SCN11A: variants seen among roughly 807,000 people sequenced by gnomAD.
The protein encoded by SCN11A is sodium voltage-gated channel alpha subunit 11.
In SCN11A, 122 loss-of-function variants were observed where a neutral mutation model predicts 162.2. The ratio of observed to expected loss-of-function variants is 0.75; its 90% confidence interval spans 0.65 to 0.87. The LOEUF (loss-of-function observed/expected upper bound fraction) is 0.87, where lower values mean the gene tolerates loss of function less well. Ranked by LOEUF, SCN11A falls within the 40% of genes least tolerant of loss-of-function variation. SCN11A has a pLI of 0.00. For synonymous variants in SCN11A, 758 were observed against 751.5 expected (o/e 1.01, Z -0.14); for missense variants, 2,015 against 2,181.6 (o/e 0.92, Z 1.52).
rs4637231 is a variant in SCN11A, at chr3:38,867,624, T to C, written c.3814-166A>G. On this transcript the variant is annotated intron_variant, in intron 26 of 29. Coordinates refer to ENST00000302328, the MANE Select transcript of SCN11A (RefSeq NM_001349253.2). ...TGTTGGGAGCCTGTCTTTCAGTTTTTGCAGCTCAGCTTGAGTGATGGCATG... is the reference window on the plus strand; with the variant it reads ...TGTTGGGAGCCTGTCTTTCAGTTTTCGCAGCTCAGCTTGAGTGATGGCATG... Among the ~76,000 whole-genome samples, 74,958 of 152,026 alleles carry C rather than the reference T, an allele frequency of 0.49. 18,596 individuals carry two copies. Among genetic ancestry groups the C allele is most frequent in the African/African-American group, 0.54 (22,215 of 41,480 alleles).
chr3:38,870,782 T>C (rs150131516), intron 25 of SCN11A, 38 bp from the exon 26 acceptor site: 2 of 1,581,032 alleles, frequency 1.3e-6, no homozygotes, highest in African/African-American at 1.3e-5. Context: ...AATACAAATG[T>C]AGACTTGCCA....
At chr3:38,943,775 AG>A (rs34261223) in intron 7 of SCN11A, among the ~76,000 whole-genome samples, 14,730 of 152,160 alleles carry the variant, frequency 0.097, 866 homozygotes, top group Middle Eastern at 0.16. Context: ...GATCACATGG[AG>A]GTAGAGAATG....
chr3:38,974,200 A>G (rs191207872), intron 2 of SCN11A, among the ~76,000 whole-genome samples: 156 of 152,330 alleles, frequency 1.0e-3, no homozygotes, highest in African/African-American at 3.6e-3. Flanking sequence ...AAAATTAAAG[A>G]AACAGTATTT....
At chr3:38,917,422 C>A (rs967102657) in intron 11 of SCN11A, among the ~76,000 whole-genome samples, 1 of 152,172 alleles carries the variant, frequency 6.6e-6, no homozygotes, top group African/African-American at 2.4e-5. Flanking sequence ...CCTGAATGCC[C>A]AACAATGACA....
chr3:38,913,253 A>T (rs745867446), intron 11 of SCN11A, among the ~76,000 whole-genome samples: 1 of 152,002 alleles, frequency 6.6e-6, no homozygotes, highest in Non-Finnish European at 1.5e-5. Flanking sequence ...GCTTTTTATC[A>T]TATGCTCGTT....
In SCN11A at chr3:38,907,915, A is replaced by G. The variant is rs368421385; in HGVS notation, c.1473+34T>C. On this transcript the variant is annotated intron_variant, in intron 14 of 29. Transcript: ENST00000302328. ...ATTGGACCTGTCCCCCTGGACAGCAATATGGTATCATTAATTCCCTGGAAA... is the reference window on the plus strand; with the variant it reads ...ATTGGACCTGTCCCCCTGGACAGCAGTATGGTATCATTAATTCCCTGGAAA... 3 of 1,562,296 alleles carry G rather than the reference A, an allele frequency of 1.9e-6. No homozygotes were observed. In the East Asian group the frequency reaches 6.8e-5, roughly 35 times the overall value.
chr3:38,868,919 T>C (rs1028381379), intron 26 of SCN11A, among the ~76,000 whole-genome samples: 3 of 152,258 alleles, frequency 2.0e-5, no homozygotes, highest in South Asian at 2.1e-4. Context: ...TTGATAGCCA[T>C]GGGCCTGTCA....
Position 38,870,674 on chromosome 3 carries a change from G to A in SCN11A, c.3813+17C>T. On this transcript the variant is annotated intron_variant, in intron 26 of 29. Coordinates refer to ENST00000302328, the MANE Select transcript of SCN11A (RefSeq NM_001349253.2). Reference sequence around the variant, plus strand: ...CTTGACCATAACACTCCAGAACATGGTAGAACACTGACTCACCTCTGTGGA... The same window carrying A: ...CTTGACCATAACACTCCAGAACATGATAGAACACTGACTCACCTCTGTGGA... 6.2e-7 allele frequency: 1 copy of A among 1,609,278 alleles called. No homozygotes were observed.
chr3:38,925,588 T>C, intron 8 of SCN11A, 79 bp from the exon 9 acceptor site: 2 of 1,003,702 alleles, frequency 2.0e-6, no homozygotes, highest in South Asian at 2.7e-5. Flanking sequence ...AAGCCACAAG[T>C]AAGCTCAGCC....
intron 28 of SCN11A, among the ~76,000 whole-genome samples, chr3:38,855,335 C>A (rs2064850056): frequency 6.6e-6 from 1 of 152,172 alleles, no homozygotes; most frequent in Non-Finnish European, 1.5e-5. Context: ...GCCTGAGGAC[C>A]ACTTCCTCAT....
At chr3:38,985,020 G>C (rs1376152451) in intron 2 of SCN11A, among the ~76,000 whole-genome samples, 1 of 150,538 alleles carries the variant, frequency 6.6e-6, no homozygotes, top group Non-Finnish European at 1.5e-5. Context: ...TGGTCACTAG[G>C]CTGCAGCAGA....
intron 2 of SCN11A, among the ~76,000 whole-genome samples, chr3:38,981,455 G>A (rs2030039331): frequency 6.6e-6 from 1 of 152,040 alleles, no homozygotes; most frequent in South Asian, 2.1e-4. Flanking sequence ...CAGCAACATT[G>A]AGCACCAAGG....
chr3:38,889,898 A>C (rs2065470643), intron 19 of SCN11A, among the ~76,000 whole-genome samples: 2 of 151,810 alleles, frequency 1.3e-5, no homozygotes, highest in South Asian at 4.2e-4. Flanking sequence ...GTATCATCAA[A>C]AACAATCCCA....
intron 2 of SCN11A, among the ~76,000 whole-genome samples, chr3:39,027,428 A>C (rs1411882941): frequency 6.6e-6 from 1 of 152,176 alleles, no homozygotes; most frequent in Non-Finnish European, 1.5e-5. Flanking sequence ...CTTGTTGCCC[A>C]GGGGTCAGTG....
At chr3:38,890,554 C>A (rs1343418995) in intron 19 of SCN11A, among the ~76,000 whole-genome samples, 2 of 152,218 alleles carry the variant, frequency 1.3e-5, no homozygotes, top group African/African-American at 4.8e-5. Context: ...CAAAACAAAT[C>A]TCAAAGACTG....
At chr3:39,048,872 AAGGTGT>A (rs1173587706) in intron 1 of SCN11A, among the ~76,000 whole-genome samples, 1 of 152,240 alleles carries the variant, frequency 6.6e-6, no homozygotes, top group Non-Finnish European at 1.5e-5. Context: ...AGATCATGAG[AAGGTGT>A]TCTAGCCACA....
At chr3:39,009,840 C>G in intron 2 of SCN11A, among the ~76,000 whole-genome samples, 1 of 120,652 alleles carries the variant, frequency 8.3e-6, no homozygotes, top group South Asian at 2.6e-4. Flanking sequence ...TCACGCTCAG[C>G]TAATTTTTTT....
At chr3:38,868,212 T>C (rs2065072264) in intron 26 of SCN11A, among the ~76,000 whole-genome samples, 2 of 152,230 alleles carry the variant, frequency 1.3e-5, no homozygotes, top group South Asian at 4.1e-4. Flanking sequence ...ATATAAGTGC[T>C]GATAGCTCTG....
At chr3:39,031,909 T>C (rs186166946) in intron 2 of SCN11A, among the ~76,000 whole-genome samples, 36 of 152,272 alleles carry the variant, frequency 2.4e-4, no homozygotes, top group Admixed American at 2.2e-3. Flanking sequence ...CCACCACATT[T>C]GCATCCTGCT....
Sources: gnomAD v4.1 joint callset for allele counts (sites outside exome capture counted in the v4.1 genomes callset) on GRCh38, gnomAD v4.1.1 for gene constraint, MANE v1.5 for transcripts, NCBI Gene and HGNC (gene_info 2026-07-23, HGNC 2026-07-21) for gene names.